Variants in TENM2 observed in about 807,000 individuals in gnomAD.
The protein encoded by TENM2 is teneurin transmembrane protein 2, also known as teneurin-2.
A neutral mutation model predicts 245.2 loss-of-function variants in TENM2; 52 were observed. The ratio of observed to expected loss-of-function variants is 0.21; its 90% CI spans 0.17 to 0.27. The LOEUF (loss-of-function observed/expected upper bound fraction) is 0.27. TENM2 is among the 10% of genes least tolerant of loss of function. TENM2 has a pLI of 1.00. For missense variants in TENM2, 3,046 were observed against 3,666.8 expected, an observed-to-expected ratio of 0.83 and a Z score of 4.37; for synonymous variants, 1,363 against 1,438.9, an observed-to-expected ratio of 0.95 and a Z score of 1.19.
chr5:168,137,802 G>C (rs1755186039), intron 12 of TENM2, among the ~76,000 whole-genome samples: 2 of 152,166 alleles, frequency 1.3e-5, no homozygotes, highest in Admixed American at 1.3e-4. Flanking sequence ...TCAACTTCTT[G>C]CTATATGTTG....
chr5:167,485,354 A>G (rs1465819868), intron 2 of TENM2, among the ~76,000 whole-genome samples: 3 of 152,224 alleles, frequency 2.0e-5, no homozygotes, highest in Non-Finnish European at 4.4e-5. Context: ...AAACCACATT[A>G]TAGCTTTTAC....
chr5:167,255,292 C>A, the TENM2 span, among the ~76,000 whole-genome samples: 1 of 152,042 alleles, frequency 6.6e-6, no homozygotes, highest in Non-Finnish European at 1.5e-5. Flanking sequence ...CTTTTACATG[C>A]AGGATAGAGT....
the TENM2 span, among the ~76,000 whole-genome samples, chr5:166,989,889 C>G: frequency 6.6e-6 from 1 of 150,526 alleles, no homozygotes; most frequent in African/African-American, 2.5e-5. Flanking sequence ...TTAGCACACA[C>G]AGATCTCAAA....
At chr5:167,357,631 A>C (rs1292815019) in intron 1 of TENM2, among the ~76,000 whole-genome samples, 1 of 152,154 alleles carries the variant, frequency 6.6e-6, no homozygotes, top group Non-Finnish European at 1.5e-5. Context: ...AACTCAATAT[A>C]GTCACCACAA....
chr5:166,984,612 T>A, the TENM2 span, among the ~76,000 whole-genome samples: 4 of 152,158 alleles, frequency 2.6e-5, no homozygotes, highest in African/African-American at 9.6e-5. Context: ...AAAAAGTCAC[T>A]TCAAAATTTT....
At chr5:168,101,540 T>G (rs552371204) in intron 9 of TENM2, among the ~76,000 whole-genome samples, 1 of 152,240 alleles carries the variant, frequency 6.6e-6, no homozygotes, top group East Asian at 1.9e-4. Flanking sequence ...GTGTTTTGCA[T>G]TCACCACCTG....
At chr5:167,305,573 C>T (rs890132069) in intron 1 of TENM2, among the ~76,000 whole-genome samples, 3 of 152,164 alleles carry the variant, frequency 2.0e-5, no homozygotes, top group Non-Finnish European at 4.4e-5. Context: ...TTTGTTCAAT[C>T]TCAGTTTACA....
At position 168,247,584 on chromosome 5, in the gene TENM2, C is replaced by T. The variant is rs758266193; in HGVS notation, c.6645C>T (p.Ala2215=). 9.3e-6 allele frequency: 15 copies of T among 1,612,938 alleles called. No individual in the cohort carries two copies. The highest frequency in any genetic ancestry group is 8.9e-5 in the East Asian group (4 of 44,844). Residue 2215 remains alanine, a synonymous_variant, in exon 27 of 29, where the codon GCC becomes GCT. Transcript: ENST00000518659. The surrounding 1 kb of genome is among the most constrained non-coding windows in gnomAD (Gnocchi z 7.8). Reference sequence around the variant, plus strand: ...GGGACGGGCAGCTCCAGAGCGTGGCCGTCAATGACCGCCCGACCTGGCGCT... The same window carrying T: ...GGGACGGGCAGCTCCAGAGCGTGGCTGTCAATGACCGCCCGACCTGGCGCT...
chr5:167,203,911 A>G, the TENM2 span, among the ~76,000 whole-genome samples: 5 of 152,192 alleles, frequency 3.3e-5, no homozygotes, highest in Non-Finnish European at 7.3e-5. Flanking sequence ...GGAAAATAGC[A>G]GGATGAAAAC....
chr5:167,234,564 C>T, the TENM2 span, among the ~76,000 whole-genome samples: 1 of 152,186 alleles, frequency 6.6e-6, no homozygotes, highest in East Asian at 1.9e-4. Flanking sequence ...AAGAGGTCAA[C>T]TTGAAAATGT....
At chr5:168,033,695 A>C (rs769393794) in intron 5 of TENM2, among the ~76,000 whole-genome samples, 7 of 151,908 alleles carry the variant, frequency 4.6e-5, no homozygotes, top group South Asian at 4.2e-4. Context: ...AGGAAGACCT[A>C]CTCTCACCTC....
chr5:167,102,738 A>G, the TENM2 span, among the ~76,000 whole-genome samples: 2 of 152,242 alleles, frequency 1.3e-5, no homozygotes, highest in Admixed American at 6.5e-5. Flanking sequence ...AGCTCAGTGC[A>G]ACCTCCGCCT....
At chr5:167,122,414 T>C in the TENM2 span, among the ~76,000 whole-genome samples, 1 of 152,138 alleles carries the variant, frequency 6.6e-6, no homozygotes, top group African/African-American at 2.4e-5. Flanking sequence ...TTAACTCTAT[T>C]GTCCTTTTCC....
At chr5:168,038,746 G>A (rs1191756852) in intron 5 of TENM2, among the ~76,000 whole-genome samples, 16 of 152,158 alleles carry the variant, frequency 1.1e-4, no homozygotes, top group Admixed American at 9.8e-4. Flanking sequence ...ATCTGGGATA[G>A]GGAGATCCTT....
intron 2 of TENM2, among the ~76,000 whole-genome samples, chr5:167,654,402 G>A (rs1754695081): frequency 6.6e-6 from 1 of 152,132 alleles, no homozygotes; most frequent in Non-Finnish European, 1.5e-5. Flanking sequence ...AGTCTGGAGA[G>A]CGAGTGCCTC....
chr5:167,989,831 G>A (rs144084681), intron 4 of TENM2, among the ~76,000 whole-genome samples: 8 of 152,320 alleles, frequency 5.3e-5, no homozygotes, highest in Admixed American at 2.0e-4. Flanking sequence ...GGCATGTAAA[G>A]GAATATAGTC....
intron 2 of TENM2, among the ~76,000 whole-genome samples, chr5:167,447,298 G>C (rs1438259170): frequency 6.6e-6 from 1 of 152,194 alleles, no homozygotes; most frequent in Non-Finnish European, 1.5e-5. Context: ...CCTGGCCCTA[G>C]CCCTGGCACT....
intron 21 of TENM2, among the ~76,000 whole-genome samples, chr5:168,215,956 G>T (rs1458291704): frequency 6.6e-6 from 1 of 152,236 alleles, no homozygotes; most frequent in Non-Finnish European, 1.5e-5. Context: ...CCCAATAAAT[G>T]GTAGTAATTA....
intron 2 of TENM2, among the ~76,000 whole-genome samples, chr5:167,834,560 C>T (rs1768796060): frequency 6.6e-6 from 1 of 151,566 alleles, no homozygotes; most frequent in Non-Finnish European, 1.5e-5. Context: ...GCATTGTTTC[C>T]ATGAAAGAAA....
Sources: gnomAD v4.1 joint callset for allele counts (sites outside exome capture counted in the v4.1 genomes callset) on GRCh38, gnomAD v4.1.1 for gene constraint, Gnocchi (gnomAD v3.1) non-coding constraint, MANE v1.5 for transcripts, NCBI Gene and HGNC (gene_info 2026-07-23, HGNC 2026-07-21) for gene names.